The following PINK1 variants were observed in gnomAD, a reference collection of about 807,000 sequenced individuals.
PINK1 encodes serine/threonine-protein kinase PINK1, mitochondrial.
In PINK1, 58 loss-of-function variants were observed where a neutral mutation model predicts 56.0. The ratio of observed to expected loss-of-function variants is 1.04; its 90% CI spans 0.84 to 1.29. The LOEUF (loss-of-function observed/expected upper bound fraction) is 1.29. Among genes scored for constraint, PINK1 ranks in the 50% most tolerant of loss-of-function variants. PINK1 has a pLI of 0.00. For synonymous variants in PINK1, 354 were observed against 339.3 expected (o/e 1.04, Z -0.48); for missense variants, 745 against 777.9 (o/e 0.96, Z 0.50).
chr1:20,642,091 C>T (rs1313382154), intron 3 of PINK1, among the ~76,000 whole-genome samples: 1 of 152,162 alleles, frequency 6.6e-6, no homozygotes, highest in African/African-American at 2.4e-5. Context: ...AGGAGCAGCG[C>T]GTGGGCACAC....
At chr1:20,642,094 G>A (rs1259701697) in intron 3 of PINK1, among the ~76,000 whole-genome samples, 1 of 152,178 alleles carries the variant, frequency 6.6e-6, no homozygotes, top group Non-Finnish European at 1.5e-5. Flanking sequence ...AGCAGCGCGT[G>A]GGCACACGTG....
At chr1:20,645,874 T>C (rs1362930012) in intron 5 of PINK1, 151 bp downstream of exon 5, 2 of 1,059,074 alleles carry the variant, frequency 1.9e-6, no homozygotes, top group Admixed American at 4.8e-5. Context: ...AATCTCTCCC[T>C]TAGAACGGGG....
chr1:20,649,056 C>A lies in PINK1; in HGVS notation c.1313C>A (p.Ala438Glu). 6.2e-7 allele frequency: 1 copy of A among 1,614,186 alleles called. No individual in the cohort carries two copies. The highest frequency in any genetic ancestry group is 8.5e-7 in the Non-Finnish European group (1 of 1,180,048). Residue 438 changes from alanine to glutamate, a missense_variant, in exon 7 of 8, where the codon GCA becomes GAA. Transcript: ENST00000321556. Reference sequence around the variant, plus strand: ...GACTACAGCAAGGCTGATGCCTGGGCAGTGGGAGCCATCGCCTATGAAATC... The same window carrying A: ...GACTACAGCAAGGCTGATGCCTGGGAAGTGGGAGCCATCGCCTATGAAATC... ...VIDYSKADAW[A>E]VGAIAYEIFG...
In PINK1 at chr1:20,651,491, G is replaced by A. The variant is rs2053278759; in HGVS notation, c.*800G>A. On this transcript the variant is annotated 3_prime_UTR_variant, in exon 8 of 8. Transcript: ENST00000321556. The stretch of plus-strand genomic sequence containing the variant: ...TTGCCTAAATCAGCGTCAACATGCA[G>A]TAAAGGTTGTCTTCAACTGAGCTGT... 6.6e-6 allele frequency: 1 copy of A among 152,396 alleles called. No homozygotes were observed. The highest frequency in any genetic ancestry group is 1.5e-5 in the Non-Finnish European group (1 of 68,194). 9.4% of individuals were successfully genotyped at this position (152,396 alleles called of 1,614,324 possible). A position where few individuals can be genotyped will look rare whatever the true frequency, so the allele number is the denominator to read the frequency against.
intron 1 of PINK1, among the ~76,000 whole-genome samples, chr1:20,637,443 G>A (rs2053067652): frequency 6.6e-6 from 1 of 152,168 alleles, no homozygotes; most frequent in African/African-American, 2.4e-5. Context: ...GATCACTGTG[G>A]ATCACACACT....
Position 20,641,896 on chromosome 1 carries a change from C to A in PINK1, c.776+1904C>A, listed in dbSNP as rs192356923. Among the ~76,000 whole-genome samples, 1 of 152,174 alleles carries A rather than the reference C, an allele frequency of 6.6e-6. No individual in the cohort carries two copies. The highest frequency in any genetic ancestry group is 1.5e-5 in the Non-Finnish European group (1 of 68,032). ...CATTTCAGGTCTCAGTTCAGACACC[C>A]GCAACCCCACCATGTATCTCCCCAG... On this transcript the variant is annotated intron_variant, in intron 3 of 7. Coordinates refer to ENST00000321556, the MANE Select transcript of PINK1 (RefSeq NM_032409.3). The surrounding 1 kb of genome is among the most constrained non-coding windows in gnomAD (Gnocchi z 4.0).
In PINK1 at chr1:20,650,528, T is replaced by C. The variant is rs754543494; in HGVS notation, c.1583T>C (p.Val528Ala). 7 of 1,614,226 alleles carry C rather than the reference T, an allele frequency of 4.3e-6. No individual in the cohort carries two copies. Among genetic ancestry groups the C allele is most frequent in the South Asian group, 1.1e-5 (1 of 91,086 alleles). The change falls in exon 8 of 8, where the codon GTT (valine) becomes GCT (alanine). Residue 528 changes from valine to alanine, a missense_variant. Coordinates refer to ENST00000321556, the MANE Select transcript of PINK1 (RefSeq NM_032409.3). The stretch of plus-strand genomic sequence containing the variant: ...AAGAATCTGAAGTTAGACAAGATGG[T>C]TGGCTGGCTCCTCCAACAATCGGCC... Reference protein sequence around the residue: ...ALKNLKLDKMVGWLLQQSAAT... With the variant: ...ALKNLKLDKMAGWLLQQSAAT...
chr1:20,647,466 CTTTTTTTTTTTT>C (rs34054663), intron 5 of PINK1, among the ~76,000 whole-genome samples: 1 of 73,212 alleles, frequency 1.4e-5, no homozygotes, highest in East Asian at 4.5e-4. Context: ...TGGGAGTTGG[CTTTTTTTTTTTT>C]TTTTTTTTTT....
chr1:20,648,378 C>G, intron 5 of PINK1, 127 bp from the exon 6 acceptor site: 1 of 1,430,494 alleles, frequency 7.0e-7, no homozygotes, highest in South Asian at 1.2e-5. Flanking sequence ...TGCTGACCTC[C>G]TGGGCCAACA....
chr1:20,634,430 A>C (rs2053034872), intron 1 of PINK1, among the ~76,000 whole-genome samples: 1 of 152,216 alleles, frequency 6.6e-6, no homozygotes, highest in Non-Finnish European at 1.5e-5. Context: ...AAAAACTATG[A>C]ACGGCGAGAA....
intron 1 of PINK1, among the ~76,000 whole-genome samples, chr1:20,634,800 ACTAAATTAGCATAG>A (rs955775996): frequency 2.0e-5 from 3 of 152,126 alleles, no homozygotes; most frequent in Non-Finnish European, 4.4e-5. Flanking sequence ...AGAACCACTC[ACTAAATTAGCATAG>A]CCCCTGCATT....
At chr1:20,645,072 C>T (rs572789233) in intron 4 of PINK1, among the ~76,000 whole-genome samples, 1 of 152,130 alleles carries the variant, frequency 6.6e-6, no homozygotes, top group Non-Finnish European at 1.5e-5. Context: ...ATAGGGAGCC[C>T]CAACTCTTAC....
rs915607822 is a variant in PINK1 at position 20,638,351 on chromosome 1, T to C, written c.675+222T>C. ...ATCACCCAGAGATCAGGTTCAAAGG[T>C]AGATTTTGGCCAGGCCTGGTGGACC... On this transcript the variant is annotated intron_variant, in intron 2 of 7. Transcript: ENST00000321556. 3 of 599,544 alleles carry C rather than the reference T, an allele frequency of 5.0e-6. No individual in the cohort carries two copies. The African/African-American group carries it at 5.6e-5, about 11-fold the overall frequency. The allele number at this position is 599,544 out of a possible 1,614,324, so 37.1% of individuals were successfully genotyped here.
chr1:20,648,340 C>G (rs2053213745), intron 5 of PINK1, 165 bp from the exon 6 acceptor site: 10 of 952,472 alleles, frequency 1.0e-5, no homozygotes, highest in African/African-American at 1.6e-5. Flanking sequence ...GTTCGCACAG[C>G]AGGCCCTTCT....
rs2053117109 is a variant in PINK1, at chr1:20,641,709, C to G, written c.776+1717C>G. On this transcript the variant is annotated intron_variant, in intron 3 of 7. Transcript: ENST00000321556. The surrounding 1 kb of genome is among the most constrained non-coding windows in gnomAD (Gnocchi z 4.0). The stretch of plus-strand genomic sequence containing the variant: ...GGGCCCAGAGATTGAAGGCGCTTAA[C>G]CTGCTCATCTCACCACGTCTCCCGC... Among the ~76,000 whole-genome samples the G allele has an allele frequency of 1.3e-5, 2 of 152,076 alleles. No homozygotes were observed. The highest frequency in any genetic ancestry group is 2.9e-5 in the Non-Finnish European group (2 of 68,016).
At chr1:20,649,376 C>T in intron 7 of PINK1, 145 bp downstream of exon 7, 1 of 836,996 alleles carries the variant, frequency 1.2e-6, no homozygotes, top group Non-Finnish European at 1.9e-6. Flanking sequence ...GAACAAAAAA[C>T]AGATTTTAAT....
Position 20,644,525 on chromosome 1 carries a change from A to T in PINK1, c.812A>T (p.His271Leu). ...SKRGPKQLAPHPNIIRVLRAF... is the reference protein window; with the variant it reads ...SKRGPKQLAPLPNIIRVLRAF... ...AGAGGTCCCAAGCAACTAGCCCCTC[A>T]CCCCAACATCATCCGGGTTCTCCGC... Residue 271 changes from histidine to leucine, a missense_variant, in exon 4 of 8, where the codon CAC becomes CTC. His to Leu is a moderately conservative substitution (Grantham distance 99, BLOSUM62 -3). Transcript: ENST00000321556. 6.2e-7 allele frequency: 1 copy of T among 1,614,080 alleles called. No homozygotes were observed. The highest frequency in any genetic ancestry group is 8.5e-7 in the Non-Finnish European group (1 of 1,180,022).
rs2053097759 is a variant in PINK1, at chr1:20,639,877, T to C, written c.676-15T>C. On this transcript the variant is annotated splice_polypyrimidine_tract_variant and intron_variant, in intron 2 of 7. Coordinates refer to ENST00000321556, the MANE Select transcript of PINK1 (RefSeq NM_032409.3). ...TCCGGCCTGTGTAACCCTGGGTTCC[T>C]TGTGGGTGTTCCAGGCAGGTTCCTC... 4 of 1,607,758 alleles carry C rather than the reference T, an allele frequency of 2.5e-6. No homozygotes were observed. Among genetic ancestry groups the C allele is most frequent in the Non-Finnish European group, 2.5e-6 (3 of 1,177,270 alleles).
chr1:20,649,908 C>G (rs1477790654), intron 7 of PINK1: 4 of 210,168 alleles, frequency 1.9e-5, no homozygotes, highest in Non-Finnish European at 3.9e-5. Context: ...CAGATCTGGA[C>G]ATTGTGAAAT....
Sources: gnomAD v4.1 joint callset for allele counts (sites outside exome capture counted in the v4.1 genomes callset) on GRCh38, gnomAD v4.1.1 for gene constraint, Gnocchi (gnomAD v3.1) non-coding constraint, MANE v1.5 for transcripts, NCBI Gene and HGNC (gene_info 2026-07-23, HGNC 2026-07-21) for gene names.